Variants in SHISA6 observed in about 807,000 individuals in gnomAD.
SHISA6 encodes protein shisa-6.
Under a neutral mutation model 47.9 loss-of-function variants are expected in SHISA6, and 22 were observed. The observed-to-expected ratio is 0.46, with a 90% CI of 0.33 to 0.66. The LOEUF is 0.66. Ranked by LOEUF, SHISA6 falls within the 30% of genes least tolerant of loss-of-function variation. The probability of loss-of-function intolerance (pLI) is 0.02; values close to 1 mark genes in which losing one functional copy is unlikely to be tolerated. For missense variants in SHISA6, 680 were observed against 764.6 expected, an observed-to-expected ratio of 0.89 and a Z score of 1.30; for synonymous variants, 388 against 337.8, an observed-to-expected ratio of 1.15 and a Z score of -1.63.
In SHISA6 at chr17:11,241,947, C is replaced by T. The variant is rs541219437; in HGVS notation, c.525C>T (p.Asn175=). The T allele has an allele frequency of 1.9e-6, 3 of 1,551,026 alleles. No homozygotes were observed. The highest frequency in any genetic ancestry group is 3.9e-5 in the Admixed American group (2 of 51,008). The part of the protein sequence containing the change: ...NKYDPEKDKT[N]FTVYITCGVI... ...ACGACCCGGAGAAGGACAAGACCAA[C>T]TTCACCGTCTACATCACCTGCGGGG... The change falls in exon 1 of 6, where the codon AAC becomes AAT. Residue 175 remains asparagine (N), a synonymous_variant. Coordinates refer to ENST00000441885, the MANE Select transcript of SHISA6 (RefSeq NM_207386.4). This position sits in a 1 kb window ranked among gnomAD's most constrained non-coding sequence, Gnocchi z 5.5.
chr17:11,316,738 A>T lies in SHISA6; in HGVS notation c.799+53212A>T, dbSNP rs562068619. Among the ~76,000 whole-genome samples, 10 of 152,190 alleles carry T rather than the reference A, an allele frequency of 6.6e-5. No homozygotes were observed. In the East Asian group the frequency reaches 1.7e-3, roughly 26 times the overall value. On this transcript the variant is annotated intron_variant, in intron 2 of 5. Coordinates refer to ENST00000441885, the MANE Select transcript of SHISA6 (RefSeq NM_207386.4). Reference sequence around the variant, plus strand: ...CCCGGCCCATCCTTCTCTTTTATGTAGACTTAGTTTCGTTCATTCTTATTT... The same window carrying T: ...CCCGGCCCATCCTTCTCTTTTATGTTGACTTAGTTTCGTTCATTCTTATTT...
intron 2 of SHISA6, among the ~76,000 whole-genome samples, chr17:11,294,948 A>T (rs187427845): frequency 1.1e-3 from 160 of 152,308 alleles, no homozygotes; most frequent in Admixed American, 4.2e-3. Flanking sequence ...GGAACCATTA[A>T]GAAGCAAAAT....
chr17:11,253,782 G>A (rs547532024), intron 1 of SHISA6, among the ~76,000 whole-genome samples: 78 of 151,718 alleles, frequency 5.1e-4, no homozygotes, highest in African/African-American at 1.8e-3. Context: ...TCTCTCTTTC[G>A]GCTTTGAGAA....
At chr17:11,367,739 T>G (rs546787346) in intron 2 of SHISA6, among the ~76,000 whole-genome samples, 2 of 152,220 alleles carry the variant, frequency 1.3e-5, no homozygotes, top group African/African-American at 4.8e-5. Flanking sequence ...AGGCTGAGGA[T>G]GCTGAGGATG....
chr17:11,280,325 T>C (rs1293251840), intron 2 of SHISA6, among the ~76,000 whole-genome samples: 2 of 152,216 alleles, frequency 1.3e-5, no homozygotes, highest in Non-Finnish European at 2.9e-5. Context: ...AAACAAGATG[T>C]ATATGCATAA....
intron 2 of SHISA6, among the ~76,000 whole-genome samples, chr17:11,312,727 A>G (rs796760755): frequency 3.3e-5 from 5 of 152,206 alleles, no homozygotes; most frequent in African/African-American, 1.2e-4. Flanking sequence ...GGCAGTATCC[A>G]TAGTTCTATT....
intron 2 of SHISA6, among the ~76,000 whole-genome samples, chr17:11,305,517 C>G (rs1384604974): frequency 6.6e-6 from 1 of 152,230 alleles, no homozygotes; most frequent in Admixed American, 6.5e-5. Context: ...TGCTGCACAG[C>G]AGGCTGGATT....
intron 3 of SHISA6, among the ~76,000 whole-genome samples, chr17:11,476,107 A>T (rs1009254969): frequency 3.3e-5 from 5 of 152,018 alleles, no homozygotes; most frequent in Admixed American, 6.6e-5. Context: ...TATTCTGTTA[A>T]CATTCGTGGG....
At chr17:11,388,804 A>ATATATATATAT (rs1313340833) in intron 3 of SHISA6, among the ~76,000 whole-genome samples, 4 of 79,322 alleles carry the variant, frequency 5.0e-5, no homozygotes, top group African/African-American at 2.4e-4. Flanking sequence ...ATATATATAT[A>ATATATATATAT]TATATATATA....
chr17:11,314,786 C>T (rs917521), intron 2 of SHISA6, among the ~76,000 whole-genome samples: 136,316 of 152,022 alleles, frequency 0.9, 61,274 homozygotes, highest in East Asian at 1. Flanking sequence ...GTGATCCACC[C>T]GCCTCGGCCT....
chr17:11,542,234 C>T (rs2071840170), intron 3 of SHISA6, among the ~76,000 whole-genome samples: 1 of 151,588 alleles, frequency 6.6e-6, no homozygotes, highest in African/African-American at 2.4e-5. Context: ...CTTGCCTTCT[C>T]ATCACATATA....
At chr17:11,295,836 G>A (rs560561564) in intron 2 of SHISA6, among the ~76,000 whole-genome samples, 4 of 151,974 alleles carry the variant, frequency 2.6e-5, no homozygotes, top group South Asian at 2.1e-4. Flanking sequence ...GGTGGCGGGC[G>A]CCTGTGGTCC....
intron 2 of SHISA6, among the ~76,000 whole-genome samples, chr17:11,276,831 A>G (rs1331855825): frequency 6.6e-6 from 1 of 152,192 alleles, no homozygotes; most frequent in Admixed American, 6.5e-5. Flanking sequence ...TTCATTCAGG[A>G]CGACTTCAAT....
At chr17:11,438,112 T>C (rs1034107200) in intron 3 of SHISA6, among the ~76,000 whole-genome samples, 1 of 152,218 alleles carries the variant, frequency 6.6e-6, no homozygotes, top group Non-Finnish European at 1.5e-5. Flanking sequence ...CATTGCCCAT[T>C]GCTATATTAC....
In SHISA6 at chr17:11,241,329, CA is replaced by C; in HGVS notation, c.-93del. The C allele has an allele frequency of 1.2e-6, 1 of 828,060 alleles. No homozygotes were observed. The allele number at this position is 828,060 out of a possible 1,614,324, so 51.3% of individuals were successfully genotyped here. A position where few individuals can be genotyped will look rare whatever the true frequency, so the allele number is the denominator to read the frequency against. On this transcript the variant is annotated 5_prime_UTR_variant, in exon 1 of 6. Transcript: ENST00000441885. This position sits in a 1 kb window ranked among gnomAD's most constrained non-coding sequence, Gnocchi z 5.5. Reference sequence around the variant, plus strand: ...GGAGCCGCTGACCGCTCAGCGCCTCCAGCCCGGCCCGCGCGGCGGGTCCTCC... The same window carrying C: ...GGAGCCGCTGACCGCTCAGCGCCTCCGCCCGGCCCGCGCGGCGGGTCCTCC...
chr17:11,325,739 G>A (rs1910861034), intron 2 of SHISA6, among the ~76,000 whole-genome samples: 1 of 151,804 alleles, frequency 6.6e-6, no homozygotes, highest in South Asian at 2.1e-4. Flanking sequence ...CATTGATTTG[G>A]GTAGCTAAAC....
intron 3 of SHISA6, among the ~76,000 whole-genome samples, chr17:11,518,979 T>A (rs751738443): frequency 2.2e-4 from 33 of 152,158 alleles, no homozygotes; most frequent in Non-Finnish European, 4.1e-4. Flanking sequence ...AGTATCTCTG[T>A]CTGGAGCCAT....
chr17:11,499,133 A>T (rs2071430349), intron 3 of SHISA6, among the ~76,000 whole-genome samples: 2 of 152,092 alleles, frequency 1.3e-5, no homozygotes, highest in African/African-American at 4.8e-5. Flanking sequence ...TAGCTTCTGA[A>T]AAGAAGGGCA....
rs910592827 is a variant in SHISA6 at position 11,353,414 on chromosome 17, G to T, written c.800-26000G>T. Among the ~76,000 whole-genome samples the T allele has an allele frequency of 2.0e-5, 3 of 149,648 alleles. No individual in the cohort carries two copies. In the East Asian group the frequency reaches 5.9e-4, roughly 29 times the overall value. On this transcript the variant is annotated intron_variant, in intron 2 of 5. Transcript: ENST00000441885. ...AGAGGTTGCAGTGAGCCGAGATCAC[G>T]CCACCGCACTCCAGCCTGGCAACAG...
Sources: allele counts gnomAD v4.1 joint callset (sites outside exome capture counted in the v4.1 genomes callset), GRCh38; gene constraint gnomAD v4.1.1; non-coding constraint Gnocchi (gnomAD v3.1); transcripts MANE v1.5; gene names NCBI Gene and HGNC (gene_info 2026-07-23, HGNC 2026-07-21).